GALNT14: variants seen among roughly 807,000 people sequenced by gnomAD.
GALNT14 encodes UDP-GalNAc:polypeptide N-acetylgalactosaminyltransferase 14.
A neutral mutation model predicts 77.5 loss-of-function variants in GALNT14; 60 were observed. That is an observed-to-expected ratio of 0.77 (90% CI 0.63 to 0.96). GALNT14 has a LOEUF of 0.96. Among genes scored for constraint, GALNT14 ranks in the 40% least tolerant of loss-of-function variants. The pLI is 0.00. For missense variants in GALNT14, 710 were observed against 731.0 expected (o/e 0.97, Z 0.33); for synonymous variants, 280 against 281.7 (o/e 0.99, Z 0.06).
intron 1 of GALNT14, among the ~76,000 whole-genome samples, chr2:31,073,789 G>T (rs1675580163): frequency 6.6e-6 from 1 of 152,166 alleles, no homozygotes; most frequent in South Asian, 2.1e-4. Context: ...GTTTGACTTG[G>T]ATTCACATTT....
At chr2:31,025,544 G>T (rs978267639) in intron 1 of GALNT14, among the ~76,000 whole-genome samples, 10 of 152,206 alleles carry the variant, frequency 6.6e-5, no homozygotes, top group African/African-American at 2.4e-4. Context: ...AAGACAGGGA[G>T]CAGAGAAAAC....
chr2:30,902,502 G>A, the GALNT14 span, among the ~76,000 whole-genome samples: 1 of 152,226 alleles, frequency 6.6e-6, no homozygotes, highest in Non-Finnish European at 1.5e-5. Flanking sequence ...ATAAGAGGGA[G>A]GCCAGGGGGA....
At chr2:31,073,267 G>A (rs1475966335) in intron 1 of GALNT14, 1 of 152,206 alleles carries the variant, frequency 6.6e-6, no homozygotes, top group Non-Finnish European at 1.5e-5. Flanking sequence ...CCTGGCATAT[G>A]ATATGCACTC....
intron 1 of GALNT14, among the ~76,000 whole-genome samples, chr2:31,090,615 A>G (rs1481722129): frequency 1.3e-5 from 2 of 149,962 alleles, no homozygotes; most frequent in African/African-American, 4.9e-5. Flanking sequence ...TCAGCCTTCC[A>G]AGGAGCTGGG....
intron 9 of GALNT14, among the ~76,000 whole-genome samples, chr2:30,939,361 T>G (rs1481328918): frequency 1.3e-5 from 2 of 151,618 alleles, no homozygotes; most frequent in African/African-American, 4.9e-5. Context: ...GCAGAGTAAC[T>G]TTGGTGGAAA....
chr2:30,946,981 T>C (rs1666735673), intron 6 of GALNT14, among the ~76,000 whole-genome samples: 3 of 152,256 alleles, frequency 2.0e-5, no homozygotes, highest in South Asian at 4.1e-4. Context: ...TTAAGTTCCC[T>C]ATTTCTGTTA....
intron 1 of GALNT14, among the ~76,000 whole-genome samples, chr2:31,007,140 G>A (rs1670723179): frequency 6.6e-6 from 1 of 152,184 alleles, no homozygotes; most frequent in South Asian, 2.1e-4. Context: ...CAGACCCCGA[G>A]TATCCAGACG....
intron 8 of GALNT14, among the ~76,000 whole-genome samples, chr2:30,942,690 T>A (rs942036670): frequency 9.9e-5 from 15 of 152,146 alleles, no homozygotes; most frequent in African/African-American, 3.4e-4. Context: ...GGGAGCTCTG[T>A]TACTGGGAGA....
At chr2:30,917,554 C>A (rs536542103) in intron 13 of GALNT14, among the ~76,000 whole-genome samples, 27 of 152,354 alleles carry the variant, frequency 1.8e-4, no homozygotes, top group African/African-American at 5.5e-4. Context: ...GTGACACCAC[C>A]AGGCATGGGC....
chr2:30,993,921 G>A (rs60765902), intron 1 of GALNT14, among the ~76,000 whole-genome samples: 6,960 of 152,188 alleles, frequency 0.046, 517 homozygotes, highest in African/African-American at 0.16. Flanking sequence ...GCCCACACCG[G>A]TTCCACAGCC....
At chr2:30,940,378 G>A (rs1666308781) in intron 9 of GALNT14, among the ~76,000 whole-genome samples, 1 of 152,206 alleles carries the variant, frequency 6.6e-6, no homozygotes, top group Admixed American at 6.5e-5. Flanking sequence ...ACTTCCATGT[G>A]GAAGAAGAAT....
intron 2 of GALNT14, among the ~76,000 whole-genome samples, chr2:30,987,601 A>G (rs949339089): frequency 3.9e-5 from 6 of 152,078 alleles, no homozygotes; most frequent in African/African-American, 7.2e-5. Flanking sequence ...CTTTTATCAC[A>G]TGGTGCCCTG....
chr2:31,099,996 T>C (rs1321812926), intron 1 of GALNT14, among the ~76,000 whole-genome samples: 1 of 152,078 alleles, frequency 6.6e-6, no homozygotes, highest in African/African-American at 2.4e-5. Context: ...TTTCCATCCA[T>C]GAGCAATCTT....
chr2:31,130,784 G>GTGTGTGTGTGTGCA (rs57066682), intron 1 of GALNT14, among the ~76,000 whole-genome samples: 1 of 124,976 alleles, frequency 8.0e-6, no homozygotes, highest in African/African-American at 4.1e-5. Context: ...GTGTGTGTGT[G>GTGTGTGTGTGTGCA]CGCGCGCACC....
At chr2:31,102,332 G>C (rs74391947) in intron 1 of GALNT14, among the ~76,000 whole-genome samples, 11,098 of 151,992 alleles carry the variant, frequency 0.073, 758 homozygotes, top group African/African-American at 0.17. Flanking sequence ...TATAACATTT[G>C]TTCTGCTATT....
chr2:31,015,459 C>G (rs557009872), intron 1 of GALNT14, among the ~76,000 whole-genome samples: 136 of 152,144 alleles, frequency 8.9e-4, no homozygotes, highest in African/African-American at 3.1e-3. Flanking sequence ...AAATCTGCCT[C>G]CATCTATACT....
intron 1 of GALNT14, among the ~76,000 whole-genome samples, chr2:31,078,726 C>G (rs564832027): frequency 6.6e-6 from 1 of 152,282 alleles, no homozygotes; most frequent in South Asian, 2.1e-4. Context: ...GCAAGGCAAA[C>G]ATTCAGAAGC....
At position 31,138,021 on chromosome 2, in the gene GALNT14, C is replaced by T. The variant is rs769470306; in HGVS notation, c.66G>A (p.Leu22=). ...ACTTCCTCTTGGTTACCCAGAAGAACAGCAGCACCGTGATCCAGAGCACCC... is the reference window on the plus strand; with the variant it reads ...ACTTCCTCTTGGTTACCCAGAAGAATAGCAGCACCGTGATCCAGAGCACCC... ...VFGVLWITVL[L]FFWVTKRKLE... is the part of the protein sequence containing the mutation. The change falls in exon 1 of 15, where the codon CTG becomes CTA. Residue 22 remains leucine (L), a synonymous_variant. Coordinates refer to ENST00000349752, the MANE Select transcript of GALNT14 (RefSeq NM_024572.4). The T allele has an allele frequency of 6.2e-7, 1 of 1,613,844 alleles. No homozygotes were observed. Among genetic ancestry groups the T allele is most frequent in the South Asian group, 1.1e-5 (1 of 91,082 alleles).
At chr2:31,066,412 C>CG (rs1422280357) in intron 1 of GALNT14, among the ~76,000 whole-genome samples, 1 of 50,322 alleles carries the variant, frequency 2.0e-5, no homozygotes, top group South Asian at 8.4e-4. Flanking sequence ...GGTGCGGGGG[C>CG]GGGGGGCGGG....
Sources: allele counts gnomAD v4.1 joint callset (sites outside exome capture counted in the v4.1 genomes callset), GRCh38; gene constraint gnomAD v4.1.1; transcripts MANE v1.5; gene names NCBI Gene and HGNC (gene_info 2026-07-23, HGNC 2026-07-21).